The following PLCL1 variants were observed in gnomAD, a reference collection of about 807,000 sequenced individuals.
The protein encoded by PLCL1 is phospholipase C like 1 (inactive).
Under a neutral mutation model 84.4 loss-of-function variants are expected in PLCL1, and 41 were observed. The ratio of observed to expected loss-of-function variants is 0.49; its 90% CI spans 0.38 to 0.63. The LOEUF is 0.63. Among genes scored for constraint, PLCL1 ranks in the 30% least tolerant of loss-of-function variants. The probability of loss-of-function intolerance (pLI) is 0.00; values close to 1 mark genes in which losing one functional copy is unlikely to be tolerated. For synonymous variants in PLCL1, 490 were observed against 488.3 expected (o/e 1.00, Z -0.05); for missense variants, 1,206 against 1,367.8 (o/e 0.88, Z 1.87).
At chr2:197,982,130 C>T (rs1690118051) in intron 1 of PLCL1, among the ~76,000 whole-genome samples, 1 of 150,996 alleles carries the variant, frequency 6.6e-6, no homozygotes, top group Non-Finnish European at 1.5e-5. Flanking sequence ...ATTTGATTTA[C>T]TGAATTAGTG....
At position 197,975,204 on chromosome 2, in the gene PLCL1, C is replaced by T. The variant is rs180810597; in HGVS notation, c.241-108554C>T. Among the ~76,000 whole-genome samples, 35 of 146,918 alleles carry T rather than the reference C, an allele frequency of 2.4e-4. No homozygotes were observed. The East Asian group carries it at 5.6e-3, about 23-fold the overall frequency. On this transcript the variant is annotated intron_variant, in intron 1 of 5. Transcript: ENST00000428675. ...GATGCTTCACATTATTGAGTGTCCA[C>T]GAAATGCTTATGACAATGCCAGTTG...
In PLCL1 at chr2:198,084,433, GC is replaced by G. The variant is rs1692802439; in HGVS notation, c.917del (p.Ala306ValfsTer34). On this transcript the variant is annotated frameshift_variant, in exon 2 of 6. Transcript: ENST00000428675. LOFTEE classifies it high-confidence loss of function. ...TRVTEEEFCE[A>X]FCELCTRPEV... ...CGTGACCGAAGAGGAATTTTGTGAA[GC>G]TTTTTGTGAACTTTGCACCAGGCCA... 2 of 1,614,040 alleles carry G rather than the reference GC, an allele frequency of 1.2e-6. No individual in the cohort carries two copies. Among genetic ancestry groups the G allele is most frequent in the South Asian group, 2.2e-5 (2 of 91,088 alleles).
intron 1 of PLCL1, among the ~76,000 whole-genome samples, chr2:197,910,092 A>G (rs898464618): frequency 6.6e-6 from 1 of 152,220 alleles, no homozygotes; most frequent in African/African-American, 2.4e-5. Context: ...CCTATTGCAC[A>G]GGGATTTAGG....
intron 1 of PLCL1, among the ~76,000 whole-genome samples, chr2:197,982,114 A>G (rs1690117844): frequency 6.6e-6 from 1 of 151,680 alleles, no homozygotes; most frequent in Non-Finnish European, 1.5e-5. Context: ...AAACTGTTAT[A>G]ATTCAATTTG....
At chr2:197,905,891 T>A (rs1688371397) in intron 1 of PLCL1, among the ~76,000 whole-genome samples, 1 of 152,266 alleles carries the variant, frequency 6.6e-6, no homozygotes. Context: ...TCTGTTCATA[T>A]CCTTCACCTA....
In PLCL1 at chr2:197,818,571, A is replaced by C. The variant is rs376156507; in HGVS notation, c.240+13232A>C. 3.0e-4 allele frequency among the ~76,000 whole-genome samples: 45 copies of C among 152,172 alleles called. No individual in the cohort carries two copies. In the South Asian group the frequency reaches 9.3e-3, roughly 32 times the overall value. Reference sequence around the variant, plus strand: ...TTGTTTTGAGATGGTGTCTCACTATATTGCCCAGGTTGAACTTGAACTTCT... The same window carrying C: ...TTGTTTTGAGATGGTGTCTCACTATCTTGCCCAGGTTGAACTTGAACTTCT... On this transcript the variant is annotated intron_variant, in intron 1 of 5. Coordinates refer to ENST00000428675, the MANE Select transcript of PLCL1 (RefSeq NM_006226.4).
rs1041788303 is a variant in PLCL1 at position 197,836,339 on chromosome 2, T to C, written c.240+31000T>C. The stretch of plus-strand genomic sequence containing the variant: ...GTGGGCGCCTGTAGTCCCAGCTACT[T>C]GGGAGGCTGAGGCAGGAGAATGGCG... On this transcript the variant is annotated intron_variant, in intron 1 of 5. Coordinates refer to ENST00000428675, the MANE Select transcript of PLCL1 (RefSeq NM_006226.4). 2.8e-5 allele frequency among the ~76,000 whole-genome samples: 4 copies of C among 144,006 alleles called. No individual in the cohort carries two copies. In the East Asian group the frequency reaches 8.6e-4, roughly 31 times the overall value. 94.5% of individuals were successfully genotyped at this position (144,006 alleles called of 152,430 possible).
intron 1 of PLCL1, among the ~76,000 whole-genome samples, chr2:197,912,199 A>T (rs905936427): frequency 1.3e-5 from 2 of 152,182 alleles, no homozygotes; most frequent in Non-Finnish European, 2.9e-5. Flanking sequence ...AAAAATGCTC[A>T]TCATCACTGG....
In PLCL1 at chr2:198,084,450, C is replaced by T. The variant is rs1415544565; in HGVS notation, c.933C>T (p.Cys311=). 1 of 1,613,810 alleles carries T rather than the reference C, an allele frequency of 6.2e-7. No homozygotes were observed. Among genetic ancestry groups the T allele is most frequent in the East Asian group, 2.2e-5 (1 of 44,894 alleles). Residue 311 remains cysteine (C), a synonymous_variant, in exon 2 of 6, where the codon TGC becomes TGT. Coordinates refer to ENST00000428675, the MANE Select transcript of PLCL1 (RefSeq NM_006226.4). ...TTTGTGAAGCTTTTTGTGAACTTTG[C>T]ACCAGGCCAGAAGTGTATTTCTTAC... The part of the protein sequence containing the change: ...EEFCEAFCEL[C]TRPEVYFLLV...
At chr2:198,094,785 G>C (rs1015447954) in intron 3 of PLCL1, among the ~76,000 whole-genome samples, 2 of 152,086 alleles carry the variant, frequency 1.3e-5, no homozygotes, top group Non-Finnish European at 2.9e-5. Context: ...TGAAGGTGGG[G>C]TTGCTCAAAG....
intron 1 of PLCL1, among the ~76,000 whole-genome samples, chr2:197,816,330 G>T (rs1690688352): frequency 6.6e-6 from 1 of 152,008 alleles, no homozygotes; most frequent in Non-Finnish European, 1.5e-5. Flanking sequence ...TAAGATTAAG[G>T]TTATATACAT....
intron 1 of PLCL1, among the ~76,000 whole-genome samples, chr2:197,818,033 G>A (rs1297869304): frequency 4.6e-5 from 7 of 151,976 alleles, no homozygotes. Context: ...GACTGTTCTG[G>A]GTTGTCGATA....
intron 1 of PLCL1, among the ~76,000 whole-genome samples, chr2:197,846,483 A>G (rs1687122224): frequency 6.6e-6 from 1 of 152,126 alleles, no homozygotes; most frequent in African/African-American, 2.4e-5. Flanking sequence ...CCAGGAAAAT[A>G]TATTTTAAAA....
At chr2:197,807,930 A>G (rs1690515199) in intron 1 of PLCL1, among the ~76,000 whole-genome samples, 2 of 152,232 alleles carry the variant, frequency 1.3e-5, no homozygotes, top group African/African-American at 4.8e-5. Flanking sequence ...ATTAATAAAA[A>G]GAATGTTTTT....
chr2:198,051,565 C>T (rs942756247), intron 1 of PLCL1, among the ~76,000 whole-genome samples: 1 of 152,054 alleles, frequency 6.6e-6, no homozygotes, highest in African/African-American at 2.4e-5. Flanking sequence ...AACAAGCAAA[C>T]AAAACCCCTG....
intron 1 of PLCL1, among the ~76,000 whole-genome samples, chr2:197,980,950 A>C (rs957552324): frequency 6.6e-6 from 1 of 152,192 alleles, no homozygotes; most frequent in African/African-American, 2.4e-5. Context: ...TGGGGGAAGG[A>C]TGTTTCATGC....
chr2:197,982,918 T>A (rs927451082), intron 1 of PLCL1, among the ~76,000 whole-genome samples: 3 of 152,208 alleles, frequency 2.0e-5, no homozygotes, highest in Non-Finnish European at 4.4e-5. Context: ...TACTTTTATT[T>A]GTCTAACATT....
chr2:197,923,738 T>C (rs1440051105), intron 1 of PLCL1, among the ~76,000 whole-genome samples: 1 of 151,978 alleles, frequency 6.6e-6, no homozygotes, highest in African/African-American at 2.4e-5. Context: ...GAGATGCTCC[T>C]CACTTCCCAG....
At chr2:198,080,846 A>G (rs1253928039) in intron 1 of PLCL1, among the ~76,000 whole-genome samples, 3 of 152,180 alleles carry the variant, frequency 2.0e-5, no homozygotes, top group Non-Finnish European at 4.4e-5. Context: ...GGATTTTGAT[A>G]TAAGTTTTAT....
Sources: gnomAD v4.1 joint callset for allele counts (sites outside exome capture counted in the v4.1 genomes callset) on GRCh38, gnomAD v4.1.1 for gene constraint, MANE v1.5 for transcripts, NCBI Gene and HGNC (gene_info 2026-07-23, HGNC 2026-07-21) for gene names.